The following USH2A variants were observed in gnomAD, a reference collection of about 807,000 sequenced individuals.
The protein encoded by USH2A is usherin, also known as Usher syndrome 2A (autosomal recessive, mild).
Under a neutral mutation model 538.9 loss-of-function variants are expected in USH2A, and 443 were observed. That is an observed-to-expected ratio of 0.82 (90% CI 0.76 to 0.89). The LOEUF (loss-of-function observed/expected upper bound fraction) is 0.89, where lower values mean the gene tolerates loss of function less well. USH2A is among the 40% of genes least tolerant of loss of function. USH2A has a pLI of 0.00. For missense variants in USH2A, 6,633 were observed against 6,324.8 expected, an observed-to-expected ratio of 1.05 and a Z score of -1.65; for synonymous variants, 2,413 against 2,273.5, an observed-to-expected ratio of 1.06 and a Z score of -1.75.
intron 61 of USH2A, among the ~76,000 whole-genome samples, chr1:215,685,926 A>G (rs1386777198): frequency 6.6e-6 from 1 of 152,118 alleles, no homozygotes; most frequent in Non-Finnish European, 1.5e-5. Context: ...CCGGAATCAA[A>G]GATCAACTCA....
intron 30 of USH2A, among the ~76,000 whole-genome samples, chr1:216,051,233 G>A (rs2102529336): frequency 6.6e-6 from 1 of 152,164 alleles, no homozygotes; most frequent in African/African-American, 2.4e-5. Flanking sequence ...CCCTGGTTCT[G>A]GGTTTCTATC....
At chr1:215,741,332 G>C in intron 60 of USH2A, 43 bp downstream of exon 60, 2 of 1,586,738 alleles carry the variant, frequency 1.3e-6, no homozygotes, top group Middle Eastern at 1.7e-4. Flanking sequence ...GGAGCAGTAC[G>C]CATTCTTAAA....
rs2102476647 is a variant in USH2A at position 215,993,043 on chromosome 1, C to T, written c.6782G>A (p.Trp2261Ter). 1 of 1,614,028 alleles carries T rather than the reference C, an allele frequency of 6.2e-7. No homozygotes were observed. The change falls in exon 35 of 72, where the codon TGG becomes TAG. Residue 2261 changes from tryptophan to a stop codon, truncating the protein, a stop_gained. Coordinates refer to ENST00000307340, the MANE Select transcript of USH2A (RefSeq NM_206933.4). LOFTEE classifies it high-confidence loss of function. ...ACCATTCGGATATTCAGGCTCAGTCCAGGAGACATTAAAGGAGTCAGGTGA... is the reference window on the plus strand; with the variant it reads ...ACCATTCGGATATTCAGGCTCAGTCTAGGAGACATTAAAGGAGTCAGGTGA... ...SYSPDSFNVS[W>*]TEPEYPNGVI... is the part of the protein sequence containing the mutation.
chr1:216,249,991 A>C (rs1309440342), intron 12 of USH2A, among the ~76,000 whole-genome samples: 1 of 152,104 alleles, frequency 6.6e-6, no homozygotes, highest in East Asian at 1.9e-4. Context: ...TTGAATGACA[A>C]TAGAAAGGCA....
At chr1:216,147,258 C>A (rs552845429) in intron 21 of USH2A, among the ~76,000 whole-genome samples, 407 of 152,194 alleles carry the variant, frequency 2.7e-3, no homozygotes, top group African/African-American at 9.4e-3. Flanking sequence ...GGTCCCAATT[C>A]TTCCTCAGCC....
At chr1:215,821,346 A>G (rs1663009471) in intron 47 of USH2A, among the ~76,000 whole-genome samples, 1 of 151,816 alleles carries the variant, frequency 6.6e-6, no homozygotes, top group Admixed American at 6.6e-5. Context: ...CTCTTTAGTG[A>G]TGATGAACAT....
intron 3 of USH2A, among the ~76,000 whole-genome samples, chr1:216,417,466 T>C (rs543027083): frequency 1.1e-4 from 16 of 152,150 alleles, no homozygotes; most frequent in Admixed American, 1.0e-3. Flanking sequence ...TGTCCAATTG[T>C]AATCCCCAGC....
chr1:216,230,501 T>C (rs925119800), intron 14 of USH2A, among the ~76,000 whole-genome samples: 1 of 152,150 alleles, frequency 6.6e-6, no homozygotes, highest in Non-Finnish European at 1.5e-5. Context: ...CAAAAATTAT[T>C]TTAATAAAAT....
At chr1:216,130,881 C>T (rs1001371501) in intron 21 of USH2A, among the ~76,000 whole-genome samples, 1 of 151,744 alleles carries the variant, frequency 6.6e-6, no homozygotes, top group African/African-American at 2.4e-5. Flanking sequence ...AAGGAATCTC[C>T]ACACTGTTTT....
At chr1:215,894,344 T>C (rs1481863963) in intron 40 of USH2A, among the ~76,000 whole-genome samples, 1 of 152,146 alleles carries the variant, frequency 6.6e-6, no homozygotes, top group Non-Finnish European at 1.5e-5. Flanking sequence ...AAACATAAGA[T>C]GTTTGTCATG....
chr1:216,317,829 G>A (rs1000949697), intron 9 of USH2A, among the ~76,000 whole-genome samples: 1 of 151,836 alleles, frequency 6.6e-6, no homozygotes, highest in African/African-American at 2.4e-5. Context: ...CTCCAGCCTC[G>A]GTGACAGAGT....
intron 34 of USH2A, among the ~76,000 whole-genome samples, chr1:215,993,728 A>AT (rs1451527592): frequency 6.6e-6 from 1 of 152,250 alleles, no homozygotes; most frequent in Non-Finnish European, 1.5e-5. Context: ...ATAAAACAAC[A>AT]AATACAAAGC....
chr1:215,978,553 G>A (rs921539358), intron 35 of USH2A, among the ~76,000 whole-genome samples: 1 of 152,122 alleles, frequency 6.6e-6, no homozygotes, highest in Non-Finnish European at 1.5e-5. Flanking sequence ...AACAGAATAA[G>A]AATAATATCT....
intron 11 of USH2A, among the ~76,000 whole-genome samples, chr1:216,252,087 T>C (rs2036174314): frequency 6.6e-6 from 1 of 152,364 alleles, no homozygotes; most frequent in South Asian, 2.1e-4. Context: ...GCTAAAACAC[T>C]GTGTCATTTT....
At chr1:215,629,310 C>A (rs932280991) in intron 70 of USH2A, among the ~76,000 whole-genome samples, 11 of 152,190 alleles carry the variant, frequency 7.2e-5, no homozygotes, top group Admixed American at 2.0e-4. Context: ...AGCTCATGCA[C>A]TGGTGCTCTG....
intron 21 of USH2A, 24 bp from the exon 22 acceptor site, chr1:216,097,237 A>C: frequency 6.2e-7 from 1 of 1,614,046 alleles, no homozygotes; most frequent in Non-Finnish European, 8.5e-7. Context: ...TGTGATCAGC[A>C]AATCAGTGCT....
intron 61 of USH2A, among the ~76,000 whole-genome samples, chr1:215,717,936 T>C (rs1405388473): frequency 6.6e-6 from 1 of 152,178 alleles, no homozygotes; most frequent in African/African-American, 2.4e-5. Context: ...CTAGATAATA[T>C]CTGAAATTTG....
intron 30 of USH2A, among the ~76,000 whole-genome samples, chr1:216,059,996 G>T (rs1187108167): frequency 6.6e-6 from 1 of 151,960 alleles, no homozygotes; most frequent in East Asian, 1.9e-4. Context: ...GGGTTCAGGG[G>T]TCCTACTGAC....
At chr1:216,392,647 A>G (rs1184272564) in intron 3 of USH2A, among the ~76,000 whole-genome samples, 1 of 152,062 alleles carries the variant, frequency 6.6e-6, no homozygotes, top group Non-Finnish European at 1.5e-5. Context: ...ATAAACTGTG[A>G]TACAATGCTG....
Sources: gnomAD v4.1 joint callset for allele counts (sites outside exome capture counted in the v4.1 genomes callset) on GRCh38, gnomAD v4.1.1 for gene constraint, MANE v1.5 for transcripts, NCBI Gene and HGNC (gene_info 2026-07-23, HGNC 2026-07-21) for gene names.